Variants in ERMP1 observed in about 807,000 individuals in gnomAD.
ERMP1 encodes Felix-ina.
A neutral mutation model predicts 92.0 loss-of-function variants in ERMP1; 86 were observed. The observed-to-expected ratio is 0.93, with a 90% CI of 0.79 to 1.12. The LOEUF (loss-of-function observed/expected upper bound fraction) is 1.12. ERMP1 is among the 50% of genes most tolerant of loss of function. The pLI is 0.00. For missense variants in ERMP1, 1,342 were observed against 1,116.3 expected (o/e 1.20, Z -2.88); for synonymous variants, 530 against 412.8 (o/e 1.28, Z -3.44).
At chr9:5,847,224 T>C (rs147188045) in intron 6 of ERMP1, among the ~76,000 whole-genome samples, 2 of 152,324 alleles carry the variant, frequency 1.3e-5, no homozygotes, top group East Asian at 1.9e-4. Context: ...ATCTATGTTA[T>C]CAACCCAAAT....
intron 6 of ERMP1, among the ~76,000 whole-genome samples, chr9:5,846,408 C>T (rs78510889): frequency 0.033 from 5,056 of 152,280 alleles, 267 homozygotes; most frequent in East Asian, 0.24. Flanking sequence ...AGGCTGTTTC[C>T]TCATCTGTAA....
At chr9:5,833,616 A>T (rs571241935), upstream of ERMP1, among the ~76,000 whole-genome samples, 15 of 152,366 alleles carry the variant, frequency 9.8e-5, 1 homozygote, top group South Asian at 1.7e-3. Flanking sequence ...TTATTTATTG[A>T]ATACCTGCTA....
In ERMP1 at chr9:5,797,930, T is replaced by C. The variant is rs749034080; in HGVS notation, c.2273A>G (p.Lys758Arg). ...WYLPVHFLIRKNWYLPAPEVS... is the reference protein window; with the variant it reads ...WYLPVHFLIRRNWYLPAPEVS... ...TTCTGGGGCAGGAAGATACCAGTTTTTCCTATTTAGAAAGGAAGCTTCAGT... is the reference window on the plus strand; with the variant it reads ...TTCTGGGGCAGGAAGATACCAGTTTCTCCTATTTAGAAAGGAAGCTTCAGT... Residue 758 changes from lysine (K) to arginine (R), a missense_variant and splice_region_variant, in exon 13 of 15, where the codon AAA (lysine) becomes AGA (arginine). Physicochemically the swap from Lys to Arg is conservative, Grantham distance 26 (BLOSUM62 2). Coordinates refer to ENST00000339450, the MANE Select transcript of ERMP1 (RefSeq NM_024896.3). The C allele has an allele frequency of 1.2e-6, 2 of 1,600,228 alleles. No homozygotes were observed. The highest frequency in any genetic ancestry group is 1.1e-5 in the South Asian group (1 of 90,372).
At chr9:5,806,686 C>T (rs1242832156) in intron 8 of ERMP1, among the ~76,000 whole-genome samples, 1 of 152,088 alleles carries the variant, frequency 6.6e-6, no homozygotes, top group Non-Finnish European at 1.5e-5. Flanking sequence ...GCAGTCTTCC[C>T]ACCTCAGCCT....
At chr9:5,788,112 G>A (rs1828018650) in intron 13 of ERMP1, among the ~76,000 whole-genome samples, 1 of 152,162 alleles carries the variant, frequency 6.6e-6, no homozygotes. Context: ...TGATGACAGT[G>A]GAAGTCAAAC....
Position 5,798,216 on chromosome 9 carries a change from AT to A in ERMP1, c.2271-285del, listed in dbSNP as rs200666356. Among the ~76,000 whole-genome samples, 74 of 148,318 alleles carry A rather than the reference AT, an allele frequency of 5.0e-4. No individual in the cohort carries two copies. In the East Asian group the frequency reaches 6.5e-3, roughly 13 times the overall value. ...CTATAAAATCTTCCCAGAGAAAACA[AT>A]TTTTTTTTTTCTTTGAGAGACAGAG... On this transcript the variant is annotated intron_variant, in intron 12 of 14. Transcript: ENST00000339450.
intron 5 of ERMP1, among the ~76,000 whole-genome samples, chr9:5,867,068 C>T (rs1830691612): frequency 6.6e-6 from 1 of 152,144 alleles, no homozygotes; most frequent in Non-Finnish European, 1.5e-5. Flanking sequence ...TGCTGGCGCA[C>T]ACCTATAGTC....
At chr9:5,813,952 G>C (rs1829207830) in intron 4 of ERMP1, among the ~76,000 whole-genome samples, 1 of 150,706 alleles carries the variant, frequency 6.6e-6, no homozygotes, top group South Asian at 2.1e-4. Context: ...CGCTGAAAAA[G>C]GATTATACAT....
chr9:5,826,384 C>T (rs1228406096), intron 2 of ERMP1, among the ~76,000 whole-genome samples: 1 of 152,162 alleles, frequency 6.6e-6, no homozygotes, highest in East Asian at 1.9e-4. Context: ...CACTTTACTC[C>T]ACTATTTCCT....
chr9:5,820,863 T>A (rs1206308858), intron 4 of ERMP1, among the ~76,000 whole-genome samples: 1 of 152,196 alleles, frequency 6.6e-6, no homozygotes, highest in East Asian at 1.9e-4. Context: ...TTGAAAGCCA[T>A]GCCCACAAGA....
chr9:5,834,407 G>A (rs144061226), upstream of ERMP1, among the ~76,000 whole-genome samples: 68 of 152,286 alleles, frequency 4.5e-4, no homozygotes, highest in East Asian at 0.012. Flanking sequence ...TCATTAGACT[G>A]TAAGCCCCAC....
Position 5,811,239 on chromosome 9 carries a change from AC to A in ERMP1, c.1198del (p.Val400SerfsTer21). 6.2e-7 allele frequency: 1 copy of A among 1,614,068 alleles called. No homozygotes were observed. Among genetic ancestry groups the A allele is most frequent in the Non-Finnish European group, 8.5e-7 (1 of 1,179,972 alleles). On this transcript the variant is annotated frameshift_variant, in exon 7 of 15. Coordinates refer to ENST00000339450, the MANE Select transcript of ERMP1 (RefSeq NM_024896.3). LOFTEE classifies it high-confidence loss of function. ...AASKYRHGNM[V>X]FFDVLGLFVI... ...AAACAGGCCCAGCACATCAAAGAAGACCATGTTTCCATGTCGATACTTAGAA... is the reference window on the plus strand; with the variant it reads ...AAACAGGCCCAGCACATCAAAGAAGACATGTTTCCATGTCGATACTTAGAA...
intron 6 of ERMP1, among the ~76,000 whole-genome samples, chr9:5,852,534 G>T (rs1033310856): frequency 6.6e-5 from 10 of 151,984 alleles, no homozygotes; most frequent in African/African-American, 2.4e-4. Flanking sequence ...GGGATTACAG[G>T]TGTGAACCAC....
rs1050311652 is a variant in ERMP1 at position 5,785,107 on chromosome 9, C to T, written c.*2037G>A. The T allele has an allele frequency of 4.6e-5, 7 of 152,134 alleles. No homozygotes were observed. Among genetic ancestry groups the T allele is most frequent in the African/African-American group, 1.2e-4 (5 of 41,418 alleles). 9.4% of individuals were successfully genotyped at this position (152,134 alleles called of 1,614,324 possible). On this transcript the variant is annotated 3_prime_UTR_variant, in exon 15 of 15. Coordinates refer to ENST00000339450, the MANE Select transcript of ERMP1 (RefSeq NM_024896.3). ...TTACACAAGCCCTGAGACTAGTGAGCATCTTACTACTGACCTTGTACAATA... is the reference window on the plus strand; with the variant it reads ...TTACACAAGCCCTGAGACTAGTGAGTATCTTACTACTGACCTTGTACAATA...
intron 12 of ERMP1, among the ~76,000 whole-genome samples, chr9:5,798,435 C>T (rs546427081): frequency 1.8e-4 from 28 of 152,070 alleles, no homozygotes; most frequent in Admixed American, 1.8e-3. Context: ...AGGCTGGTCT[C>T]GAACTCCCGA....
intron 2 of ERMP1, among the ~76,000 whole-genome samples, chr9:5,829,037 A>G (rs556857256): frequency 2.6e-5 from 4 of 152,044 alleles, no homozygotes; most frequent in African/African-American, 9.7e-5. Flanking sequence ...TGAGGTCAGG[A>G]GTTCAAGACC....
intron 1 of ERMP1, 162 bp downstream of exon 1, chr9:5,832,525 CAGA>C (rs890474282): frequency 3.4e-5 from 18 of 530,188 alleles, no homozygotes; most frequent in African/African-American, 3.2e-4. Context: ...ATTCAGACCC[CAGA>C]AGAAGGACAA....
chr9:5,826,556 G>C (rs7028560), intron 2 of ERMP1, among the ~76,000 whole-genome samples: 1,986 of 151,768 alleles, frequency 0.013, 52 homozygotes, highest in African/African-American at 0.046. Context: ...TGCTTGTTTG[G>C]GCTCTGTTAA....
chr9:5,799,416 C>A (rs1233828873), intron 11 of ERMP1, among the ~76,000 whole-genome samples: 11 of 152,134 alleles, frequency 7.2e-5, no homozygotes, highest in African/African-American at 2.7e-4. Context: ...CAGCTCACCA[C>A]TAGATGACAG....
Sources: allele counts gnomAD v4.1 joint callset (sites outside exome capture counted in the v4.1 genomes callset), GRCh38; gene constraint gnomAD v4.1.1; transcripts MANE v1.5; gene names NCBI Gene and HGNC (gene_info 2026-07-23, HGNC 2026-07-21).